Variants in SPAG16 observed in about 807,000 individuals in gnomAD.
SPAG16 encodes the protein sperm-associated antigen 16 protein.
SPAG16 carries 86 observed loss-of-function variants against 80.4 expected under a neutral mutation model. That is an observed-to-expected ratio of 1.07 (90% CI 0.90 to 1.28). The LOEUF is 1.28. SPAG16 is among the 50% of genes most tolerant of loss of function. The probability of loss-of-function intolerance (pLI) is 0.00; values close to 1 mark genes in which losing one functional copy is unlikely to be tolerated. For missense variants in SPAG16, 870 were observed against 765.3 expected (o/e 1.14, Z -1.61); for synonymous variants, 294 against 265.9 (o/e 1.11, Z -1.03).
intron 15 of SPAG16, among the ~76,000 whole-genome samples, chr2:214,181,566 A>G (rs1269153973): frequency 6.6e-6 from 1 of 151,804 alleles, no homozygotes; most frequent in Non-Finnish European, 1.5e-5. Context: ...ACTCACAGAT[A>G]TTCTCTATCC....
chr2:213,354,860 T>C (rs2065539219), intron 7 of SPAG16, among the ~76,000 whole-genome samples: 1 of 152,202 alleles, frequency 6.6e-6, no homozygotes, highest in African/African-American at 2.4e-5. Flanking sequence ...AGAAGCTCTT[T>C]AGTTTAGTTA....
intron 9 of SPAG16, among the ~76,000 whole-genome samples, chr2:213,404,092 T>C (rs1369475037): frequency 6.6e-6 from 1 of 152,134 alleles, no homozygotes; most frequent in African/African-American, 2.4e-5. Context: ...TCCATGCTCA[T>C]GGGTAGGAAG....
intron 3 of SPAG16, among the ~76,000 whole-genome samples, chr2:213,304,782 A>G (rs542096225): frequency 6.6e-6 from 1 of 152,248 alleles, no homozygotes; most frequent in Non-Finnish European, 1.5e-5. Context: ...ATAGCTCTGT[A>G]GTATAATTTG....
intron 15 of SPAG16, among the ~76,000 whole-genome samples, chr2:214,322,208 C>G (rs549054285): frequency 1.3e-5 from 2 of 152,236 alleles, no homozygotes; most frequent in East Asian, 3.9e-4. Context: ...TTAGAATCAC[C>G]AAGGACATTT....
intron 10 of SPAG16, among the ~76,000 whole-genome samples, chr2:213,707,993 A>G (rs528715625): frequency 6.6e-6 from 1 of 152,324 alleles, no homozygotes; most frequent in African/African-American, 2.4e-5. Context: ...ACTATGACAT[A>G]TGAGAGTCAG....
chr2:213,331,037 G>T (rs980470553), intron 5 of SPAG16, among the ~76,000 whole-genome samples: 2 of 152,090 alleles, frequency 1.3e-5, no homozygotes, highest in African/African-American at 4.8e-5. Context: ...TTTCTTCCCA[G>T]TCTCAAGTAT....
intron 14 of SPAG16, among the ~76,000 whole-genome samples, chr2:214,119,810 CT>C (rs1451086030): frequency 4.0e-5 from 6 of 151,716 alleles, no homozygotes; most frequent in East Asian, 3.9e-4. Flanking sequence ...GGGTAGTAAA[CT>C]TTTTTTGGTC....
chr2:213,612,876 T>C (rs1001079091), intron 10 of SPAG16, among the ~76,000 whole-genome samples: 7 of 152,012 alleles, frequency 4.6e-5, no homozygotes, highest in Non-Finnish European at 1.0e-4. Flanking sequence ...TAGAGATGTG[T>C]TGGTCAGGCT....
chr2:214,129,689 A>G (rs2054666179), intron 14 of SPAG16, among the ~76,000 whole-genome samples: 1 of 152,286 alleles, frequency 6.6e-6, no homozygotes, highest in Non-Finnish European at 1.5e-5. Flanking sequence ...GAAGGCTTAG[A>G]CAAATCCCTT....
intron 6 of SPAG16, among the ~76,000 whole-genome samples, chr2:213,346,775 G>A (rs1467194013): frequency 4.6e-5 from 7 of 151,986 alleles, no homozygotes; most frequent in South Asian, 2.1e-4. Context: ...TGCTGGATTC[G>A]GTTTGCCAGT....
intron 10 of SPAG16, among the ~76,000 whole-genome samples, chr2:213,624,663 T>G (rs1306287138): frequency 6.6e-6 from 1 of 152,220 alleles, no homozygotes; most frequent in African/African-American, 2.4e-5. Context: ...GTTTCCACAC[T>G]TTTGACCACA....
intron 6 of SPAG16, among the ~76,000 whole-genome samples, chr2:213,347,177 G>C (rs1434779861): frequency 6.6e-6 from 1 of 152,106 alleles, no homozygotes; most frequent in Non-Finnish European, 1.5e-5. Flanking sequence ...TTGCATAGAG[G>C]TGTTTATAGT....
intron 10 of SPAG16, among the ~76,000 whole-genome samples, chr2:213,680,235 A>G (rs995697436): frequency 6.6e-6 from 1 of 151,934 alleles, no homozygotes; most frequent in African/African-American, 2.4e-5. Flanking sequence ...ATCAGCAAGA[A>G]CTCCACCTAG....
intron 10 of SPAG16, among the ~76,000 whole-genome samples, chr2:213,789,688 G>C (rs991930221): frequency 1.1e-4 from 17 of 151,784 alleles, no homozygotes; most frequent in African/African-American, 3.4e-4. Flanking sequence ...AACCCTCCCT[G>C]GTTTTCTTGT....
At chr2:213,369,540 A>G (rs1575397985) in intron 8 of SPAG16, among the ~76,000 whole-genome samples, 1 of 152,144 alleles carries the variant, frequency 6.6e-6, no homozygotes, top group South Asian at 2.1e-4. Context: ...TACCTACAAT[A>G]AAATGCATAA....
At chr2:213,547,176 T>G (rs950556048) in intron 10 of SPAG16, among the ~76,000 whole-genome samples, 8 of 152,244 alleles carry the variant, frequency 5.3e-5, no homozygotes, top group African/African-American at 1.9e-4. Flanking sequence ...ATATCATTGA[T>G]ATAGTTTCTT....
At chr2:213,952,036 G>C (rs2079809663) in intron 12 of SPAG16, among the ~76,000 whole-genome samples, 1 of 152,060 alleles carries the variant, frequency 6.6e-6, no homozygotes, top group South Asian at 2.1e-4. Flanking sequence ...TATATTCTAA[G>C]AATATTACTT....
chr2:213,903,423 A>G (rs773661080), intron 11 of SPAG16, among the ~76,000 whole-genome samples: 39 of 152,178 alleles, frequency 2.6e-4, no homozygotes, highest in Admixed American at 2.6e-4. Context: ...GGAAACTGCC[A>G]AGGCTTGGAG....
At chr2:213,296,590 G>A (rs2062508353) in intron 2 of SPAG16, among the ~76,000 whole-genome samples, 1 of 152,122 alleles carries the variant, frequency 6.6e-6, no homozygotes, top group South Asian at 2.1e-4. Context: ...CGGACACTTG[G>A]AGGATAAAAT....
Sources: gnomAD v4.1 joint callset for allele counts (sites outside exome capture counted in the v4.1 genomes callset) on GRCh38, gnomAD v4.1.1 for gene constraint, MANE v1.5 for transcripts, NCBI Gene and HGNC (gene_info 2026-07-23, HGNC 2026-07-21) for gene names.